ELAVL2: variants seen among roughly 807,000 people sequenced by gnomAD.
ELAVL2 encodes the protein ELAV like RNA binding protein 2.
ELAVL2 carries 4 observed loss-of-function variants against 34.6 expected under a neutral mutation model. The observed-to-expected ratio is 0.12, with a 90% confidence interval of 0.06 to 0.26. The LOEUF (loss-of-function observed/expected upper bound fraction) is 0.26, where lower values mean the gene tolerates loss of function less well. Among genes scored for constraint, ELAVL2 ranks in the 10% least tolerant of loss-of-function variants. ELAVL2 has a pLI of 1.00. For missense variants in ELAVL2, 432 were observed against 442.8 expected, an observed-to-expected ratio of 0.98 and a Z score of 0.22; for synonymous variants, 193 against 154.8, an observed-to-expected ratio of 1.25 and a Z score of -1.83.
chr9:23,786,114 T>C (rs1432881673), intron 1 of ELAVL2, among the ~76,000 whole-genome samples: 4 of 152,198 alleles, frequency 2.6e-5, no homozygotes, highest in African/African-American at 9.7e-5. Context: ...GCAGAGTATT[T>C]ATCTCTGTTA....
chr9:23,793,129 T>G (rs1433396660), intron 1 of ELAVL2, among the ~76,000 whole-genome samples: 1 of 152,182 alleles, frequency 6.6e-6, no homozygotes, highest in East Asian at 1.9e-4. Flanking sequence ...ATGTCCTCTC[T>G]GCTTATTTCC....
At chr9:23,758,584 T>C (rs1276319465) in intron 2 of ELAVL2, among the ~76,000 whole-genome samples, 2 of 152,122 alleles carry the variant, frequency 1.3e-5, no homozygotes, top group African/African-American at 4.8e-5. Context: ...TTAGGAATCA[T>C]GCTCATATGT....
chr9:23,816,640 C>T (rs2063760715), intron 1 of ELAVL2, among the ~76,000 whole-genome samples: 1 of 152,194 alleles, frequency 6.6e-6, no homozygotes, highest in Admixed American at 6.5e-5. Context: ...ATAAAAGTAA[C>T]ACACGTTTAG....
intron 2 of ELAVL2, among the ~76,000 whole-genome samples, chr9:23,743,199 C>A (rs2049692522): frequency 1.3e-5 from 2 of 152,140 alleles, no homozygotes; most frequent in African/African-American, 4.8e-5. Context: ...TGCTCAGGGA[C>A]AGCTTATGCT....
At chr9:23,754,754 C>T (rs149491266) in intron 2 of ELAVL2, among the ~76,000 whole-genome samples, 23 of 152,288 alleles carry the variant, frequency 1.5e-4, no homozygotes, top group Non-Finnish European at 2.5e-4. Context: ...TGAATCACTG[C>T]GCCTGGCTGG....
intron 5 of ELAVL2, among the ~76,000 whole-genome samples, chr9:23,694,020 A>G (rs1047780375): frequency 6.6e-6 from 1 of 152,162 alleles, no homozygotes; most frequent in Non-Finnish European, 1.5e-5. Flanking sequence ...TTTAGAATCA[A>G]GGAGGTATAA....
chr9:23,810,401 T>TA (rs1429221022), intron 1 of ELAVL2, among the ~76,000 whole-genome samples: 1 of 151,794 alleles, frequency 6.6e-6, no homozygotes. Flanking sequence ...AGTGAAGCTT[T>TA]AAAAAAAATT....
At chr9:23,754,800 G>C (rs993364323) in intron 2 of ELAVL2, among the ~76,000 whole-genome samples, 1 of 152,124 alleles carries the variant, frequency 6.6e-6, no homozygotes, top group African/African-American at 2.4e-5. Context: ...AAAATAAGAA[G>C]TCAACAGATG....
chr9:23,705,016 C>G lies in ELAVL2; in HGVS notation c.389G>C (p.Ser130Thr). Reference sequence around the variant, plus strand: ...CTGGGTCATTGTTTTTGGAAGTCCGCTGACATATAAATTTGCATCTCTGAT... The same window carrying G: ...CTGGGTCATTGTTTTTGGAAGTCCGGTGACATATAAATTTGCATCTCTGAT... Reference protein sequence around the residue: ...ASIRDANLYVSGLPKTMTQKE... With the variant: ...ASIRDANLYVTGLPKTMTQKE... Residue 130 changes from serine to threonine, a missense_variant, in exon 4 of 7, where the codon AGC (serine) becomes ACC (threonine). Physicochemically the swap from Ser to Thr is moderately conservative, Grantham distance 58. Transcript: ENST00000397312. 1.2e-6 allele frequency: 2 copies of G among 1,614,116 alleles called. No individual in the cohort carries two copies. Among genetic ancestry groups the G allele is most frequent in the Non-Finnish European group, 1.7e-6 (2 of 1,180,012 alleles).
chr9:23,817,131 A>T (rs702224), intron 1 of ELAVL2, among the ~76,000 whole-genome samples: 5,421 of 152,142 alleles, frequency 0.036, 315 homozygotes, highest in African/African-American at 0.12. Flanking sequence ...ATACATTTTT[A>T]AAAGTGGGAA....
intron 1 of ELAVL2, among the ~76,000 whole-genome samples, chr9:23,771,929 T>C (rs562012154): frequency 6.6e-6 from 1 of 152,156 alleles, no homozygotes; most frequent in African/African-American, 2.4e-5. Context: ...GATGAATCAT[T>C]CCAACCCCAT....
chr9:23,785,242 G>C (rs1233150640), intron 1 of ELAVL2, among the ~76,000 whole-genome samples: 3 of 152,166 alleles, frequency 2.0e-5, no homozygotes, highest in Non-Finnish European at 4.4e-5. Context: ...CAGCAGCACT[G>C]TTCATCAAAG....
At chr9:23,824,926 T>TC (rs1336692289) in intron 1 of ELAVL2, among the ~76,000 whole-genome samples, 5 of 151,878 alleles carry the variant, frequency 3.3e-5, no homozygotes, top group Admixed American at 2.6e-4. Flanking sequence ...GCAGAGGGGT[T>TC]CCCCCTCTCC....
intron 2 of ELAVL2, among the ~76,000 whole-genome samples, chr9:23,738,091 T>C (rs771118131): frequency 6.6e-6 from 1 of 152,208 alleles, no homozygotes; most frequent in Non-Finnish European, 1.5e-5. Context: ...TTACTGTTCT[T>C]GGGCACTCAT....
At chr9:23,769,855 CT>C (rs1451929947) in intron 1 of ELAVL2, among the ~76,000 whole-genome samples, 25 of 152,136 alleles carry the variant, frequency 1.6e-4, no homozygotes, top group Admixed American at 1.2e-3. Context: ...TCATGCCAGT[CT>C]TTCTGAGGTT....
At chr9:23,759,789 T>TATATAA (rs1351880472) in intron 2 of ELAVL2, among the ~76,000 whole-genome samples, 61 of 106,380 alleles carry the variant, frequency 5.7e-4, no homozygotes, top group Non-Finnish European at 9.6e-4. Context: ...TATATATATA[T>TATATAA]AATGTATAGA....
At chr9:23,735,780 A>C (rs1337882291) in intron 2 of ELAVL2, among the ~76,000 whole-genome samples, 1 of 152,234 alleles carries the variant, frequency 6.6e-6, no homozygotes, top group Admixed American at 6.5e-5. Flanking sequence ...AGTTATAAAC[A>C]GGCTGGTAGA....
At chr9:23,709,959 C>T (rs1167841073) in intron 3 of ELAVL2, among the ~76,000 whole-genome samples, 7 of 151,812 alleles carry the variant, frequency 4.6e-5, no homozygotes, top group Admixed American at 2.6e-4. Context: ...ACAAAAGCTA[C>T]GAGTGATATA....
At chr9:23,779,725 ATCCCC>A (rs2058775353) in intron 1 of ELAVL2, among the ~76,000 whole-genome samples, 1 of 151,918 alleles carries the variant, frequency 6.6e-6, no homozygotes, top group Non-Finnish European at 1.5e-5. Context: ...GTCTCCCAAA[ATCCCC>A]TGAACTTTCA....
Sources: gnomAD v4.1 joint callset for allele counts (sites outside exome capture counted in the v4.1 genomes callset) on GRCh38, gnomAD v4.1.1 for gene constraint, MANE v1.5 for transcripts, NCBI Gene and HGNC (gene_info 2026-07-23, HGNC 2026-07-21) for gene names.